MEIS2: variants seen among roughly 807,000 people sequenced by gnomAD.
MEIS2 encodes homeobox protein Meis2.
A neutral mutation model predicts 58.6 loss-of-function variants in MEIS2; 9 were observed. The ratio of observed to expected loss-of-function variants is 0.15; its 90% CI spans 0.09 to 0.27. MEIS2 has a LOEUF of 0.27. Ranked by LOEUF, MEIS2 falls within the 10% of genes least tolerant of loss-of-function variation. MEIS2 has a pLI of 1.00. For missense variants in MEIS2, 427 were observed against 635.0 expected (o/e 0.67, Z 3.52); for synonymous variants, 221 against 228.4 (o/e 0.97, Z 0.29).
chr15:36,892,050 A>G lies in MEIS2; in HGVS notation c.*123T>C. 9.0e-7 allele frequency: 1 copy of G among 1,105,210 alleles called. No individual in the cohort carries two copies. Among genetic ancestry groups the G allele is most frequent in the African/African-American group, 1.6e-5 (1 of 64,074 alleles). 68.5% of individuals were successfully genotyped at this position (1,105,210 alleles called of 1,614,324 possible). ...GTCCTCTGTTGCTTGATGAAAAATG[A>G]CAAAAGTAAAAAATAATCACAGCTG... On this transcript the variant is annotated 3_prime_UTR_variant, in exon 12 of 12. Coordinates refer to ENST00000561208, the MANE Select transcript of MEIS2 (RefSeq NM_170675.5).
intron 7 of MEIS2, among the ~76,000 whole-genome samples, chr15:37,040,236 T>A (rs2062365697): frequency 6.6e-6 from 1 of 152,180 alleles, no homozygotes; most frequent in African/African-American, 2.4e-5. Context: ...TTCAAAATTG[T>A]GGAATCCTTG....
intron 8 of MEIS2, among the ~76,000 whole-genome samples, chr15:37,017,214 AT>A (rs1379766189): frequency 6.6e-6 from 1 of 152,208 alleles, no homozygotes; most frequent in Non-Finnish European, 1.5e-5. Context: ...GGTTAAAAAA[AT>A]GAGGAAGAAT....
rs1303194676 is a variant in MEIS2, at chr15:37,099,976, T to G, written c.-510A>C. The G allele has an allele frequency of 6.5e-6, 1 of 153,074 alleles. No individual in the cohort carries two copies. Among genetic ancestry groups the G allele is most frequent in the Admixed American group, 6.5e-5 (1 of 15,286 alleles). 9.5% of individuals were successfully genotyped at this position (153,074 alleles called of 1,614,324 possible). A position where few individuals can be genotyped will look rare whatever the true frequency, so the allele number is the denominator to read the frequency against. On this transcript the variant is annotated 5_prime_UTR_variant, in exon 1 of 12. Transcript: ENST00000561208. Reference sequence around the variant, plus strand: ...AAGCCCGGAATGTCAAGGTAGTGAATGAATGATGGTTGATGATGATGAAGA... The same window carrying G: ...AAGCCCGGAATGTCAAGGTAGTGAAGGAATGATGGTTGATGATGATGAAGA...
intron 8 of MEIS2, chr15:37,036,272 T>C (rs1167350087): frequency 1.3e-5 from 2 of 152,178 alleles, no homozygotes; most frequent in South Asian, 4.1e-4. Context: ...AACAAAGGCA[T>C]TACAGCACCT....
rs757192671 is a variant in MEIS2, at chr15:37,098,195, T to C, written c.17A>G (p.Asp6Gly). ...CATCCCGCCGTAATGGGGCAGCTCA[T>C]CGTACTGTCAGAACCCGGGAAGGGG... MAQRY[D>G]ELPHYGGMDG... is the part of the protein sequence containing the mutation. Residue 6 changes from aspartate (D) to glycine (G), a missense_variant, in exon 2 of 12, where the codon GAT becomes GGT. Asp to Gly is a moderately conservative substitution (Grantham distance 94). This residue lies in a region of MEIS2 where 103 missense variants were observed against 111.8 expected (regional missense o/e 0.92). Coordinates refer to ENST00000561208, the MANE Select transcript of MEIS2 (RefSeq NM_170675.5). 1 of 1,597,028 alleles carries C rather than the reference T, an allele frequency of 6.3e-7. No individual in the cohort carries two copies. The highest frequency in any genetic ancestry group is 8.5e-7 in the Non-Finnish European group (1 of 1,169,928).
chr15:37,009,068 T>C (rs1260022778), intron 8 of MEIS2, among the ~76,000 whole-genome samples: 2 of 152,140 alleles, frequency 1.3e-5, no homozygotes, highest in Non-Finnish European at 2.9e-5. Context: ...GGCGGGCAGA[T>C]CACAAGGTCA....
intron 7 of MEIS2, among the ~76,000 whole-genome samples, chr15:37,078,163 G>A (rs1891670743): frequency 6.6e-6 from 1 of 151,942 alleles, no homozygotes; most frequent in African/African-American, 2.4e-5. Flanking sequence ...TTGAACGGCT[G>A]ACTCGTACCT....
chr15:37,078,577 G>A (rs1326914064), intron 7 of MEIS2, among the ~76,000 whole-genome samples: 1 of 60,678 alleles, frequency 1.6e-5, no homozygotes. Flanking sequence ...TTTTTGGAAG[G>A]AAAAAAGGAT....
intron 8 of MEIS2, among the ~76,000 whole-genome samples, chr15:36,998,622 G>C (rs758136648): frequency 1.7e-4 from 26 of 152,018 alleles, no homozygotes; most frequent in Non-Finnish European, 3.5e-4. Flanking sequence ...TTAAATTATG[G>C]TACTTAAACA....
At chr15:36,903,012 G>A (rs901526129) in intron 9 of MEIS2, among the ~76,000 whole-genome samples, 9 of 152,008 alleles carry the variant, frequency 5.9e-5, no homozygotes, top group African/African-American at 2.2e-4. Context: ...AATTTTTAAA[G>A]GAGATCAAGA....
Position 36,895,383 on chromosome 15 carries a change from G to C in MEIS2, c.1037-122C>G, listed in dbSNP as rs2056119504. On this transcript the variant is annotated intron_variant, in intron 10 of 11. Transcript: ENST00000561208. ...ACAATGTGGTTGGCACTCTACAAAT[G>C]GGGGTGTGGTTTGTCTGAGTGTCTT... is the stretch of plus-strand genomic sequence containing the variant. 9.1e-6 allele frequency: 7 copies of C among 772,252 alleles called. No homozygotes were observed. In the South Asian group the frequency reaches 1.2e-4, roughly 13 times the overall value. The allele number at this position is 772,252 out of a possible 1,614,324, so 47.8% of individuals were successfully genotyped here. A position where few individuals can be genotyped will look rare whatever the true frequency, so the allele number is the denominator to read the frequency against.
intron 8 of MEIS2, among the ~76,000 whole-genome samples, chr15:36,965,720 G>A (rs7172114): frequency 6.6e-6 from 1 of 152,130 alleles, no homozygotes; most frequent in South Asian, 2.1e-4. Context: ...CCTAGCCCAG[G>A]CTATAGTTGC....
chr15:36,958,034 G>A (rs1006704722), intron 8 of MEIS2, among the ~76,000 whole-genome samples: 24 of 152,248 alleles, frequency 1.6e-4, no homozygotes, highest in African/African-American at 5.5e-4. Context: ...ATATTTGGGA[G>A]GAGGGGAAAG....
chr15:36,972,017 T>C (rs1005340196), intron 8 of MEIS2, among the ~76,000 whole-genome samples: 1 of 152,210 alleles, frequency 6.6e-6, no homozygotes, highest in African/African-American at 2.4e-5. Context: ...TGGAATATGA[T>C]AAAGACATTG....
At chr15:37,020,872 G>T (rs1278706395) in intron 8 of MEIS2, among the ~76,000 whole-genome samples, 1 of 152,006 alleles carries the variant, frequency 6.6e-6, no homozygotes, top group Non-Finnish European at 1.5e-5. Flanking sequence ...GCTCTGAACT[G>T]AATTAAGTCC....
chr15:36,984,280 T>G (rs2060024499), intron 8 of MEIS2, among the ~76,000 whole-genome samples: 1 of 152,134 alleles, frequency 6.6e-6, no homozygotes, highest in Non-Finnish European at 1.5e-5. Context: ...GCTATAAGCT[T>G]GTCATATATG....
At chr15:36,987,138 C>T (rs906593473) in intron 8 of MEIS2, among the ~76,000 whole-genome samples, 7 of 151,964 alleles carry the variant, frequency 4.6e-5, no homozygotes, top group Admixed American at 6.6e-5. Context: ...TCAGGTGCCA[C>T]GGCTCACAGC....
At chr15:37,048,107 C>T (rs768271941) in intron 7 of MEIS2, among the ~76,000 whole-genome samples, 20 of 152,036 alleles carry the variant, frequency 1.3e-4, no homozygotes, top group Admixed American at 1.2e-3. Flanking sequence ...AAAGATATGG[C>T]CTTTATATTT....
chr15:36,895,040 G>T, intron 11 of MEIS2, 111 bp downstream of exon 11: 3 of 993,306 alleles, frequency 3.0e-6, no homozygotes, highest in Non-Finnish European at 4.6e-6. Context: ...AGAGCAGGCA[G>T]CAGGCAAATG....
Sources: gnomAD v4.1 joint callset for allele counts (sites outside exome capture counted in the v4.1 genomes callset) on GRCh38, gnomAD v4.1.1 for gene constraint, gnomAD v4.1.1 regional missense constraint, MANE v1.5 for transcripts, NCBI Gene and HGNC (gene_info 2026-07-23, HGNC 2026-07-21) for gene names.